The following TTI1 variants were observed in gnomAD, a reference collection of about 807,000 sequenced individuals.
The protein encoded by TTI1 is TELO2 interacting protein 1.
A neutral mutation model predicts 85.4 loss-of-function variants in TTI1; 52 were observed. The observed-to-expected ratio is 0.61, with a 90% CI of 0.49 to 0.77. The LOEUF (loss-of-function observed/expected upper bound fraction) is 0.77, where lower values mean the gene tolerates loss of function less well. TTI1 is among the 30% of genes least tolerant of loss of function. The pLI, the probability that TTI1 is intolerant of heterozygous loss-of-function variation, is 0.00. For missense variants in TTI1, 1,173 were observed against 1,296.0 expected (o/e 0.91, Z 1.46); for synonymous variants, 512 against 503.9 (o/e 1.02, Z -0.22).
At position 38,011,760 on chromosome 20, in the gene TTI1, G is replaced by T; in HGVS notation, c.2057C>A (p.Ser686Tyr). The T allele has an allele frequency of 1.2e-6, 2 of 1,614,188 alleles. No homozygotes were observed. The highest frequency in any genetic ancestry group is 1.7e-6 in the Non-Finnish European group (2 of 1,180,032). ...MDVCRACGYD[S>Y]LQHLINQNSD... ...ATTTTGATTGATCAGGTGCTGCAGG[G>T]AGTCGTAGCCACAAGCACGGCAAAC... Residue 686 changes from serine (S) to tyrosine (Y), a missense_variant, in exon 2 of 8, where the codon TCC becomes TAC. Physicochemically the swap from Ser to Tyr is moderately radical, Grantham distance 144. Coordinates refer to ENST00000373447, the MANE Select transcript of TTI1 (RefSeq NM_001303457.2).
Position 37,983,624 on chromosome 20 carries a change from C to G in TTI1, c.3102G>C (p.Leu1034Phe), listed in dbSNP as rs143008653. 82 of 1,532,800 alleles carry G rather than the reference C, an allele frequency of 5.3e-5. No individual in the cohort carries two copies. The highest frequency in any genetic ancestry group is 7.2e-5 in the Non-Finnish European group (82 of 1,138,534). 94.9% of individuals were successfully genotyped at this position (1,532,800 alleles called of 1,614,324 possible). ...QEAARSVFLHLMKVDPDSTWF... is the reference protein window; with the variant it reads ...QEAARSVFLHFMKVDPDSTWF... ...AGGTGGAGTCTGGGTCCACCTTCAT[C>G]AAGTGGAGGAAGACGCTGTGGAGAG... The change falls in exon 8 of 8, where the codon TTG (leucine) becomes TTC (phenylalanine). Residue 1034 changes from leucine to phenylalanine, a missense_variant. Leu to Phe is a conservative substitution (Grantham distance 22). Coordinates refer to ENST00000373447, the MANE Select transcript of TTI1 (RefSeq NM_001303457.2).
At chr20:37,995,967 C>T (rs1473305356) in intron 7 of TTI1, among the ~76,000 whole-genome samples, 1 of 152,184 alleles carries the variant, frequency 6.6e-6, no homozygotes, top group African/African-American at 2.4e-5. Flanking sequence ...CACCGATGCC[C>T]ATCTAAGACC....
intron 7 of TTI1, among the ~76,000 whole-genome samples, chr20:37,991,088 A>T (rs940746019): frequency 6.6e-6 from 1 of 152,188 alleles, no homozygotes; most frequent in African/African-American, 2.4e-5. Flanking sequence ...TCCAGATCTG[A>T]GTGTATTTTT....
chr20:37,989,896 G>A (rs1281720598), intron 7 of TTI1, among the ~76,000 whole-genome samples: 5 of 152,218 alleles, frequency 3.3e-5, no homozygotes, highest in Non-Finnish European at 7.3e-5. Context: ...CTGCAAGGAC[G>A]TTGAGGATAT....
chr20:38,028,443 T>C (rs1333434350), intron 1 of TTI1, among the ~76,000 whole-genome samples: 1 of 152,170 alleles, frequency 6.6e-6, no homozygotes, highest in Non-Finnish European at 1.5e-5. Flanking sequence ...CAGAGTACAA[T>C]GAATAACAGG....
At position 37,990,857 on chromosome 20, in the gene TTI1, G is replaced by A. The variant is rs141239539; in HGVS notation, c.3086+5518C>T. Among the ~76,000 whole-genome samples, 46 of 152,270 alleles carry A rather than the reference G, an allele frequency of 3.0e-4. 2 individuals are homozygous for A. The East Asian group carries it at 8.1e-3, about 27-fold the overall frequency. Reference sequence around the variant, plus strand: ...ACACCCCACGCTTGGCTTTCCTACCGGGTGGTAAGATGGTTGACCCTGGCA... The same window carrying A: ...ACACCCCACGCTTGGCTTTCCTACCAGGTGGTAAGATGGTTGACCCTGGCA... On this transcript the variant is annotated intron_variant, in intron 7 of 7. Coordinates refer to ENST00000373447, the MANE Select transcript of TTI1 (RefSeq NM_001303457.2).
chr20:38,004,466 T>C (rs2073469744), intron 3 of TTI1, among the ~76,000 whole-genome samples: 1 of 152,220 alleles, frequency 6.6e-6, no homozygotes, highest in African/African-American at 2.4e-5. Context: ...AATGCATTTG[T>C]AGAATGCTTG....
chr20:38,028,079 T>C (rs562781641), intron 1 of TTI1, among the ~76,000 whole-genome samples: 23 of 152,288 alleles, frequency 1.5e-4, no homozygotes, highest in African/African-American at 5.5e-4. Context: ...TATAAATAGA[T>C]GGCCGCAGTT....
intron 2 of TTI1, 73 bp downstream of exon 2, chr20:38,011,442 A>C: frequency 6.6e-7 from 1 of 1,526,222 alleles, no homozygotes; most frequent in South Asian, 1.3e-5. Context: ...CAATGCAAAA[A>C]ACGAGGCTAA....
At chr20:38,002,450 C>T (rs1330628428) in intron 4 of TTI1, among the ~76,000 whole-genome samples, 178 bp downstream of exon 4, 1 of 152,198 alleles carries the variant, frequency 6.6e-6, no homozygotes, top group Non-Finnish European at 1.5e-5. Context: ...TCTCAGCAGA[C>T]ACAGAAAGAT....
intron 1 of TTI1, among the ~76,000 whole-genome samples, chr20:38,027,905 CAG>C (rs1040744087): frequency 2.0e-5 from 3 of 151,946 alleles, no homozygotes; most frequent in African/African-American, 7.3e-5. Context: ...GCCTGGGTGA[CAG>C]AGCGAGGCTC....
chr20:38,008,777 A>C (rs2073537880), intron 2 of TTI1, among the ~76,000 whole-genome samples: 1 of 152,218 alleles, frequency 6.6e-6, no homozygotes. Context: ...ATGACAGCAA[A>C]AGGTACTACT....
At position 37,983,466 on chromosome 20, in the gene TTI1, T is replaced by C; in HGVS notation, c.3260A>G (p.Glu1087Gly). 1 of 1,610,470 alleles carries C rather than the reference T, an allele frequency of 6.2e-7. No individual in the cohort carries two copies. Among genetic ancestry groups the C allele is most frequent in the South Asian group, 1.1e-5 (1 of 90,968 alleles). ...YTTNVLQLLK[E>G]LQ Reference sequence around the variant, plus strand: ...GGTGGGGGAGCAGGGTCACTGCAGCTCCTTGAGCAGCTGGAGCACGTTGGT... The same window carrying C: ...GGTGGGGGAGCAGGGTCACTGCAGCCCCTTGAGCAGCTGGAGCACGTTGGT... The change falls in exon 8 of 8, where the codon GAG (glutamate) becomes GGG (glycine). Residue 1087 changes from glutamate (E) to glycine (G), a missense_variant. Transcript: ENST00000373447.
chr20:38,001,562 A>C (rs1053059206), intron 4 of TTI1, among the ~76,000 whole-genome samples: 2 of 152,224 alleles, frequency 1.3e-5, no homozygotes, highest in Non-Finnish European at 2.9e-5. Context: ...CAACAGATGA[A>C]TGCTAAGAGC....
intron 1 of TTI1, among the ~76,000 whole-genome samples, chr20:38,016,463 C>T (rs2073684080): frequency 6.6e-6 from 1 of 152,166 alleles, no homozygotes; most frequent in Admixed American, 6.5e-5. Flanking sequence ...AAACTACATT[C>T]TCAGATTATA....
intron 1 of TTI1, among the ~76,000 whole-genome samples, chr20:38,027,183 T>C (rs2073847243): frequency 6.6e-6 from 1 of 152,186 alleles, no homozygotes; most frequent in African/African-American, 2.4e-5. Context: ...AAGACTTCCA[T>C]GGATACCAAA....
rs144223062 is a variant in TTI1 at position 37,999,239 on chromosome 20, G to A, written c.2742C>T (p.Leu914=). ...GGGCGTCCCGTGTGAGTCGGTGAAC[G>A]AGCGAGGGCCAGGCCTGATGAGCCA... ...LPLAHQAWPS[L]VHRLTRDAPL... The change falls in exon 5 of 8, where the codon CTC becomes CTT. Residue 914 remains leucine (L), a synonymous_variant. Coordinates refer to ENST00000373447, the MANE Select transcript of TTI1 (RefSeq NM_001303457.2). 246 of 1,521,572 alleles carry A rather than the reference G, an allele frequency of 1.6e-4. 1 individual carries two copies. The African/African-American group carries it at 3.1e-3, about 19-fold the overall frequency. The allele number at this position is 1,521,572 out of a possible 1,614,324, so 94.3% of individuals were successfully genotyped here. A position where few individuals can be genotyped will look rare whatever the true frequency, so the allele number is the denominator to read the frequency against.
intron 1 of TTI1, among the ~76,000 whole-genome samples, chr20:38,020,354 GTA>G (rs2073753988): frequency 2.5e-5 from 2 of 78,996 alleles, no homozygotes; most frequent in Non-Finnish European, 4.9e-5. Context: ...ATATATATAT[GTA>G]TGTATCTTGA....
intron 1 of TTI1, among the ~76,000 whole-genome samples, chr20:38,016,473 A>G (rs1017498993): frequency 6.6e-6 from 1 of 152,236 alleles, no homozygotes; most frequent in African/African-American, 2.4e-5. Context: ...CTCAGATTAT[A>G]TAACAAAAAC....
Sources: gnomAD v4.1 joint callset for allele counts (sites outside exome capture counted in the v4.1 genomes callset) on GRCh38, gnomAD v4.1.1 for gene constraint, MANE v1.5 for transcripts, NCBI Gene and HGNC (gene_info 2026-07-23, HGNC 2026-07-21) for gene names.